Variants in FHDC1 observed in about 807,000 individuals in gnomAD.
FHDC1 encodes FH2 domain-containing protein 1.
Under a neutral mutation model 52.6 loss-of-function variants are expected in FHDC1, and 25 were observed. The ratio of observed to expected loss-of-function variants is 0.48; its 90% CI spans 0.35 to 0.66. The LOEUF (loss-of-function observed/expected upper bound fraction) is 0.66, where lower values mean the gene tolerates loss of function less well. Among genes scored for constraint, FHDC1 ranks in the 30% least tolerant of loss-of-function variants. The pLI is 0.01. For missense variants in FHDC1, 1,459 were observed against 1,452.8 expected (o/e 1.00, Z -0.07); for synonymous variants, 616 against 581.5 (o/e 1.06, Z -0.85).
chr4:152,975,091 C>T lies in FHDC1; in HGVS notation c.1800C>T (p.His600=). The T allele has an allele frequency of 6.2e-7, 1 of 1,612,724 alleles. No homozygotes were observed. The highest frequency in any genetic ancestry group is 8.5e-7 in the Non-Finnish European group (1 of 1,179,906). ...GGCACCAGGACTCCAGCTTTGCACA[C>T]AAACCTCAGGCCTCGGGGGGCCAGG... ...EVRHQDSSFA[H]KPQASGGQEE... The change falls in exon 12 of 12, where the codon CAC becomes CAT. Residue 600 remains histidine (H), a synonymous_variant. Coordinates refer to ENST00000511601, the MANE Select transcript of FHDC1 (RefSeq NM_001371116.1).
Position 152,976,061 on chromosome 4 carries a change from T to C in FHDC1, c.2770T>C (p.Ser924Pro). ...GAGWRRPELSSRGPSQNPPSS... is the reference protein window; with the variant it reads ...GAGWRRPELSPRGPSQNPPSS... ...CGGCTGGAGGCGACCAGAGCTGTCATCCCGGGGGCCCTCCCAGAATCCCCC... is the reference window on the plus strand; with the variant it reads ...CGGCTGGAGGCGACCAGAGCTGTCACCCCGGGGGCCCTCCCAGAATCCCCC... Residue 924 changes from serine to proline, a missense_variant, in exon 12 of 12, where the codon TCC (serine) becomes CCC (proline). Physicochemically the swap from Ser to Pro is moderately conservative, Grantham distance 74 (BLOSUM62 -1). Around this residue, in one of 3 missense-constraint regions of FHDC1, gnomAD observed 939 missense variants for 854.5 expected, o/e 1.10. Transcript: ENST00000511601. 1 of 1,597,770 alleles carries C rather than the reference T, an allele frequency of 6.3e-7. No homozygotes were observed. The highest frequency in any genetic ancestry group is 8.5e-7 in the Non-Finnish European group (1 of 1,173,052).
At chr4:152,920,256 C>A in the FHDC1 span, among the ~76,000 whole-genome samples, 1 of 151,886 alleles carries the variant, frequency 6.6e-6, no homozygotes, top group Non-Finnish European at 1.5e-5. Context: ...CTGGGAAGTT[C>A]TTTATTATAG....
chr4:152,975,155 C>T lies in FHDC1; in HGVS notation c.1864C>T (p.Leu622Phe), dbSNP rs759093470. The change falls in exon 12 of 12, where the codon CTT (leucine) becomes TTT (phenylalanine). Residue 622 changes from leucine (L) to phenylalanine (F), a missense_variant. Leu to Phe is a conservative substitution (Grantham distance 22). Around this residue, in one of 3 missense-constraint regions of FHDC1, gnomAD observed 939 missense variants for 854.5 expected, o/e 1.10. Coordinates refer to ENST00000511601, the MANE Select transcript of FHDC1 (RefSeq NM_001371116.1). ...CCCACCCTCAGCACAGGCGCACCAG[C>T]TTGCAGCCGCCCAGCCTGAGAACCA... Reference protein sequence around the residue: ...PNPPSAQAHQLAAAQPENHAS... With the variant: ...PNPPSAQAHQFAAAQPENHAS... The T allele has an allele frequency of 2.5e-6, 4 of 1,613,102 alleles. No individual in the cohort carries two copies. Among genetic ancestry groups the T allele is most frequent in the Non-Finnish European group, 3.4e-6 (4 of 1,180,042 alleles).
chr4:152,952,595 C>T (rs1035882452), intron 2 of FHDC1, among the ~76,000 whole-genome samples: 3 of 152,118 alleles, frequency 2.0e-5, no homozygotes, highest in African/African-American at 7.2e-5. Context: ...ACATAATTTA[C>T]ATTGTCTTAG....
Position 152,972,432 on chromosome 4 carries a change from A to T in FHDC1, c.1274A>T (p.Glu425Val). Residue 425 changes from glutamate to valine, a missense_variant, in exon 11 of 12, where the codon GAG becomes GTG. This residue lies in a region of FHDC1 where 513 missense variants were observed against 581.5 expected (regional missense o/e 0.88). Transcript: ENST00000511601. Reference sequence around the variant, plus strand: ...TGCTGGAAACAAGAGCTCCAGGATGAGGCCTACACCCTTATAGATTTTTTC... The same window carrying T: ...TGCTGGAAACAAGAGCTCCAGGATGTGGCCTACACCCTTATAGATTTTTTC... ...LECWKQELQD[E>V]AYTLIDFFCE... 1 of 1,610,618 alleles carries T rather than the reference A, an allele frequency of 6.2e-7. No homozygotes were observed. The highest frequency in any genetic ancestry group is 8.5e-7 in the Non-Finnish European group (1 of 1,179,258).
intron 10 of FHDC1, 108 bp downstream of exon 10, chr4:152,968,205 A>T: frequency 2.7e-6 from 2 of 741,694 alleles, no homozygotes; most frequent in Non-Finnish European, 4.5e-6. Context: ...TCCCATTCAT[A>T]TTTTTTTTCT....
rs906493282 is a variant in FHDC1, at chr4:152,969,658, G to A, written c.1218+1561G>A. 4.6e-5 allele frequency among the ~76,000 whole-genome samples: 7 copies of A among 150,976 alleles called. No homozygotes were observed. In the East Asian group the frequency reaches 1.4e-3, roughly 29 times the overall value. ...GTTTTAACCCTTTACACTTCTTTCTGGCAGTCGTTTTTTTTTTTTTTTTTT... is the reference window on the plus strand; with the variant it reads ...GTTTTAACCCTTTACACTTCTTTCTAGCAGTCGTTTTTTTTTTTTTTTTTT... On this transcript the variant is annotated intron_variant, in intron 10 of 11. Transcript: ENST00000511601.
the FHDC1 span, chr4:152,928,097 T>G: frequency 4.2e-6 from 5 of 1,192,446 alleles, no homozygotes; most frequent in African/African-American, 1.5e-5. Context: ...CCTGTGCACC[T>G]ACTCTGGGAG....
At chr4:152,939,554 A>AT (rs1325525787) in intron 1 of FHDC1, among the ~76,000 whole-genome samples, 2 of 152,082 alleles carry the variant, frequency 1.3e-5, no homozygotes, top group Admixed American at 1.3e-4. Context: ...ACGTTCTAAG[A>AT]TTTTTTGTCT....
chr4:152,959,503 T>C (rs28501222), intron 4 of FHDC1, among the ~76,000 whole-genome samples: 61,456 of 152,126 alleles, frequency 0.4, 12,795 homozygotes, highest in South Asian at 0.64. Flanking sequence ...TCATTGTAGA[T>C]ATCTTAGAAA....
chr4:152,954,153 G>T, intron 3 of FHDC1, 64 bp from the exon 4 acceptor site: 1 of 1,390,892 alleles, frequency 7.2e-7, no homozygotes, highest in South Asian at 1.2e-5. Context: ...AATTTCCACT[G>T]GCTTGCACCT....
chr4:152,932,799 A>T (rs1054366356), upstream of FHDC1, among the ~76,000 whole-genome samples: 3 of 152,228 alleles, frequency 2.0e-5, no homozygotes, highest in Non-Finnish European at 4.4e-5. Context: ...TTTTACATGG[A>T]TTCTGAAATT....
chr4:152,934,690 G>A (rs1739317673), upstream of FHDC1, among the ~76,000 whole-genome samples: 4 of 152,224 alleles, frequency 2.6e-5, no homozygotes, highest in Admixed American at 2.6e-4. Flanking sequence ...GAAGAGAAGG[G>A]TCAGCAGAGA....
intron 6 of FHDC1, 127 bp from the exon 7 acceptor site, chr4:152,962,687 C>T: frequency 5.8e-6 from 4 of 684,436 alleles, no homozygotes; most frequent in Non-Finnish European, 1.0e-5. Context: ...TTTGTTTTTT[C>T]CGTTTTATAT....
intron 2 of FHDC1, among the ~76,000 whole-genome samples, chr4:152,948,285 A>T (rs1739797835): frequency 6.6e-6 from 1 of 152,244 alleles, no homozygotes; most frequent in African/African-American, 2.4e-5. Flanking sequence ...AAAGTGGTTT[A>T]AAAGTTTCTT....
At chr4:152,933,320 A>T (rs1739282346), upstream of FHDC1, among the ~76,000 whole-genome samples, 2 of 152,160 alleles carry the variant, frequency 1.3e-5, no homozygotes, top group Non-Finnish European at 2.9e-5. Context: ...TGAAGAATAA[A>T]TTGTCTTCTA....
At chr4:152,953,886 G>A (rs1740001431) in intron 3 of FHDC1, among the ~76,000 whole-genome samples, 1 of 152,216 alleles carries the variant, frequency 6.6e-6, no homozygotes, top group African/African-American at 2.4e-5. Flanking sequence ...TTTGTGTTCT[G>A]AAGTATAAGG....
At chr4:152,949,505 A>G (rs1739859537) in intron 2 of FHDC1, among the ~76,000 whole-genome samples, 1 of 151,884 alleles carries the variant, frequency 6.6e-6, no homozygotes, top group Admixed American at 6.5e-5. Flanking sequence ...ATAAAAAGTT[A>G]TGATGGCAAT....
At chr4:152,964,220 A>C (rs1214796565) in intron 8 of FHDC1, among the ~76,000 whole-genome samples, 2 of 152,208 alleles carry the variant, frequency 1.3e-5, no homozygotes, top group Non-Finnish European at 2.9e-5. Flanking sequence ...CTCCATAAAT[A>C]ACCATACACA....
Sources: gnomAD v4.1 joint callset for allele counts (sites outside exome capture counted in the v4.1 genomes callset) on GRCh38, gnomAD v4.1.1 for gene constraint, gnomAD v4.1.1 regional missense constraint, MANE v1.5 for transcripts, NCBI Gene and HGNC (gene_info 2026-07-23, HGNC 2026-07-21) for gene names.